The following ZFR variants were observed in gnomAD, a reference collection of about 807,000 sequenced individuals.
ZFR encodes zinc finger RNA binding protein.
In ZFR, 19 loss-of-function variants were observed where a neutral mutation model predicts 130.7. The observed-to-expected ratio is 0.15, with a 90% CI of 0.10 to 0.21. ZFR has a LOEUF of 0.21. Ranked by LOEUF, ZFR falls within the 10% of genes least tolerant of loss-of-function variation. The pLI, the probability that ZFR is intolerant of heterozygous loss-of-function variation, is 1.00. For synonymous variants in ZFR, 466 were observed against 456.9 expected (o/e 1.02, Z -0.25); for missense variants, 872 against 1,321.5 (o/e 0.66, Z 5.27).
Position 32,435,462 on chromosome 5 carries a change from A to G in ZFR, c.137+8767T>C, listed in dbSNP as rs572792641. ...AAAACTAGGATAACCAGATATTCTG[A>G]TAGTAACTTAAACAGAAGAGTGTTA... On this transcript the variant is annotated intron_variant, in intron 2 of 19. Transcript: ENST00000265069. 1.3e-5 allele frequency among the ~76,000 whole-genome samples: 2 copies of G among 152,370 alleles called. 1 individual carries two copies. The highest frequency in any genetic ancestry group is 4.1e-4 in the South Asian group (2 of 4,828).
rs1181527653 is a variant in ZFR at position 32,354,871 on chromosome 5, C to T, written c.*889G>A. On this transcript the variant is annotated 3_prime_UTR_variant, in exon 20 of 20. Transcript: ENST00000265069. ...TAGCCCACTTATATGTGAAAAATGC[C>T]CTTTCCACTTATACACAAGAAAAAA... The T allele has an allele frequency of 6.6e-6, 1 of 152,112 alleles. No homozygotes were observed. The highest frequency in any genetic ancestry group is 2.4e-5 in the African/African-American group (1 of 41,376). 9.4% of individuals were successfully genotyped at this position (152,112 alleles called of 1,614,324 possible).
intron 15 of ZFR, chr5:32,383,849 G>T (rs917446556): frequency 2.2e-6 from 1 of 455,870 alleles, no homozygotes. Context: ...AACACTATCA[G>T]TGTTTCTACA....
At position 32,419,908 on chromosome 5, in the gene ZFR, A is replaced by G. The variant is rs369149783; in HGVS notation, c.333T>C (p.Thr111=). 2.5e-6 allele frequency: 4 copies of G among 1,613,968 alleles called. No individual in the cohort carries two copies. The highest frequency in any genetic ancestry group is 1.7e-4 in the Middle Eastern group (1 of 6,036). ...ATAAAYGGYP[T]AHTATDYGYT... Reference sequence around the variant, plus strand: ...AACCATAGTCAGTTGCTGTGTGTGCAGTGGGGTAGCCTCCATAAGCAGCAG... The same window carrying G: ...AACCATAGTCAGTTGCTGTGTGTGCGGTGGGGTAGCCTCCATAAGCAGCAG... Residue 111 remains threonine, a synonymous_variant, in exon 3 of 20, where the codon ACT becomes ACC. Coordinates refer to ENST00000265069, the MANE Select transcript of ZFR (RefSeq NM_016107.5).
At chr5:32,370,086 C>A (rs901828244) in intron 17 of ZFR, among the ~76,000 whole-genome samples, 7 of 146,414 alleles carry the variant, frequency 4.8e-5, no homozygotes, top group African/African-American at 1.8e-4. Flanking sequence ...AATACAGTGG[C>A]AGATTTTTTT....
In ZFR at chr5:32,406,813, G is replaced by A; in HGVS notation, c.993C>T (p.His331=). The change falls in exon 6 of 20, where the codon CAC becomes CAT. Residue 331 remains histidine (H), a synonymous_variant. Transcript: ENST00000265069. ...AGCTGATCTTACAAACATCACAATA[G>A]TGAATCTGTGGTGGTTTGGGAGGCT... ...PKQPPKPPQI[H]YCDVCKISCA... is the part of the protein sequence containing the mutation. 1 of 1,613,912 alleles carries A rather than the reference G, an allele frequency of 6.2e-7. No individual in the cohort carries two copies. Among genetic ancestry groups the A allele is most frequent in the Non-Finnish European group, 8.5e-7 (1 of 1,179,976 alleles).
rs151297127 is a variant in ZFR, at chr5:32,441,642, C to T, written c.137+2587G>A. On this transcript the variant is annotated intron_variant, in intron 2 of 19. Transcript: ENST00000265069. The stretch of plus-strand genomic sequence containing the variant: ...CCTTGGTCTTCCATCTCTAAAAGTT[C>T]CATTATAATTATTTCCAGCCAGGAA... 2.3e-3 allele frequency among the ~76,000 whole-genome samples: 343 copies of T among 152,242 alleles called. 3 individuals carry two copies. The highest frequency in any genetic ancestry group is 7.5e-3 in the African/African-American group (311 of 41,526).
chr5:32,412,075 C>G (rs927700369), intron 5 of ZFR, among the ~76,000 whole-genome samples: 1 of 152,148 alleles, frequency 6.6e-6, no homozygotes, highest in Non-Finnish European at 1.5e-5. Context: ...TGTAGAAATT[C>G]ATTCAGTTTT....
chr5:32,416,336 T>C (rs1327845573), intron 4 of ZFR, among the ~76,000 whole-genome samples: 2 of 152,276 alleles, frequency 1.3e-5, no homozygotes, highest in East Asian at 1.9e-4. Context: ...ACCACAAGGC[T>C]GGGCATGGTG....
Position 32,385,605 on chromosome 5 carries a change from T to C in ZFR, c.2544A>G (p.Glu848=), listed in dbSNP as rs1753027490. The C allele has an allele frequency of 6.2e-7, 1 of 1,613,508 alleles. No homozygotes were observed. Among genetic ancestry groups the C allele is most frequent in the East Asian group, 2.2e-5 (1 of 44,836 alleles). The part of the protein sequence containing the change: ...EKYDIKCAVS[E]AAIILNSCVE... Reference sequence around the variant, plus strand: ...CACATGAATTCAAAATTATTGCCGCTTCAGATACAGCACATTTTATGTCAT... The same window carrying C: ...CACATGAATTCAAAATTATTGCCGCCTCAGATACAGCACATTTTATGTCAT... The change falls in exon 15 of 20, where the codon GAA becomes GAG. Residue 848 remains glutamate, a synonymous_variant. Transcript: ENST00000265069.
intron 8 of ZFR, among the ~76,000 whole-genome samples, chr5:32,401,692 T>A (rs575772112): frequency 6.6e-6 from 1 of 152,238 alleles, no homozygotes; most frequent in African/African-American, 2.4e-5. Context: ...CCTATTGCAG[T>A]GGAAGGCTGC....
rs1240458155 is a variant in ZFR, at chr5:32,385,654, G to A, written c.2500-5C>T. 10 of 1,610,696 alleles carry A rather than the reference G, an allele frequency of 6.2e-6. No individual in the cohort carries two copies. The Admixed American group carries it at 8.4e-5, about 14-fold the overall frequency. On this transcript the variant is annotated splice_polypyrimidine_tract_variant and splice_region_variant and intron_variant, in intron 14 of 19. Transcript: ENST00000265069. ...ATACTTCTCAGGGCTTATAACCTGTGTAATGAAGATGATAAGAAACAAATT... is the reference window on the plus strand; with the variant it reads ...ATACTTCTCAGGGCTTATAACCTGTATAATGAAGATGATAAGAAACAAATT...
intron 5 of ZFR, among the ~76,000 whole-genome samples, chr5:32,409,081 G>A (rs1753643718): frequency 6.6e-6 from 1 of 152,124 alleles, no homozygotes; most frequent in African/African-American, 2.4e-5. Flanking sequence ...TTAATTCTCT[G>A]TAAGCAGTTC....
Position 32,380,695 on chromosome 5 carries a change from C to A in ZFR, c.2642-523G>T, listed in dbSNP as rs183317496. On this transcript the variant is annotated intron_variant, in intron 15 of 19. Coordinates refer to ENST00000265069, the MANE Select transcript of ZFR (RefSeq NM_016107.5). ...TTTGAGACGGAGTGTCACTCTGTCC[C>A]CCAGGCTGGAGTGCACGATCTCAGA... Among the ~76,000 whole-genome samples the A allele has an allele frequency of 3.2e-3, 457 of 144,878 alleles. 3 individuals carry two copies. The highest frequency in any genetic ancestry group is 9.8e-3 in the African/African-American group (382 of 39,044).
Position 32,355,063 on chromosome 5 carries a change from GTA to G in ZFR, c.*695_*696del, listed in dbSNP as rs1448253122. The G allele has an allele frequency of 6.6e-6, 1 of 152,156 alleles. No homozygotes were observed. Among genetic ancestry groups the G allele is most frequent in the African/African-American group, 2.4e-5 (1 of 41,442 alleles). 9.4% of individuals were successfully genotyped at this position (152,156 alleles called of 1,614,324 possible). ...TTTAAAACTGTTGCAAGACCATATAGTATATATTAGCTTTTATACTGCTAATG... is the reference window on the plus strand; with the variant it reads ...TTTAAAACTGTTGCAAGACCATATAGTATATTAGCTTTTATACTGCTAATG... On this transcript the variant is annotated 3_prime_UTR_variant, in exon 20 of 20. Coordinates refer to ENST00000265069, the MANE Select transcript of ZFR (RefSeq NM_016107.5).
At position 32,444,716 on chromosome 5, in the gene ZFR, C is replaced by T. The variant is rs960513117; in HGVS notation, c.-58G>A. On this transcript the variant is annotated 5_prime_UTR_variant, in exon 1 of 20. Coordinates refer to ENST00000265069, the MANE Select transcript of ZFR (RefSeq NM_016107.5). ...CTCACCCGCTGCCTCCCTCCTCTGCCCCGCTCCTCCTCAGCGGAGAACAGA... is the reference window on the plus strand; with the variant it reads ...CTCACCCGCTGCCTCCCTCCTCTGCTCCGCTCCTCCTCAGCGGAGAACAGA... The T allele has an allele frequency of 6.7e-7, 1 of 1,496,428 alleles. No homozygotes were observed. The highest frequency in any genetic ancestry group is 8.9e-7 in the Non-Finnish European group (1 of 1,122,776). 92.7% of individuals were successfully genotyped at this position (1,496,428 alleles called of 1,614,324 possible).
chr5:32,395,918 G>A (rs1225559159), intron 10 of ZFR, among the ~76,000 whole-genome samples: 2 of 152,148 alleles, frequency 1.3e-5, no homozygotes, highest in Non-Finnish European at 2.9e-5. Context: ...CTGGTCATTA[G>A]TAGGCTTTTA....
chr5:32,386,121 A>AT (rs1753041114), intron 14 of ZFR, among the ~76,000 whole-genome samples: 1 of 152,090 alleles, frequency 6.6e-6, no homozygotes, highest in African/African-American at 2.4e-5. Flanking sequence ...TAGACAGGTA[A>AT]TAAGCTCCAT....
At chr5:32,356,605 G>A (rs1752315450) in intron 19 of ZFR, among the ~76,000 whole-genome samples, 1 of 151,354 alleles carries the variant, frequency 6.6e-6, no homozygotes, top group South Asian at 2.1e-4. Context: ...ATTTTTAGTA[G>A]AGACGGGGTT....
intron 5 of ZFR, among the ~76,000 whole-genome samples, chr5:32,413,327 A>G (rs1753752660): frequency 1.3e-5 from 2 of 152,200 alleles, no homozygotes; most frequent in South Asian, 4.1e-4. Flanking sequence ...TCACAGTAAC[A>G]ATAAAGCAGT....
Sources: gnomAD v4.1 joint callset for allele counts (sites outside exome capture counted in the v4.1 genomes callset) on GRCh38, gnomAD v4.1.1 for gene constraint, MANE v1.5 for transcripts, NCBI Gene and HGNC (gene_info 2026-07-23, HGNC 2026-07-21) for gene names.